Variants in CNBD1 observed in about 807,000 individuals in gnomAD.
The protein encoded by CNBD1 is cyclic nucleotide binding domain containing 1, also known as cyclic nucleotide-binding domain-containing protein 1.
In CNBD1, 71 loss-of-function variants were observed where a neutral mutation model predicts 54.4. That is an observed-to-expected ratio of 1.30 (90% CI 1.08 to 1.59). CNBD1 has a LOEUF of 1.59. Ranked by LOEUF, CNBD1 falls within the 40% of genes most tolerant of loss-of-function variation. The pLI is 0.00. For synonymous variants in CNBD1, 182 were observed against 170.7 expected (o/e 1.07, Z -0.51); for missense variants, 659 against 518.0 (o/e 1.27, Z -2.64).
chr8:87,352,389 A>G (rs1411480501), intron 9 of CNBD1, among the ~76,000 whole-genome samples: 1 of 150,986 alleles, frequency 6.6e-6, no homozygotes, highest in East Asian at 1.9e-4. Context: ...CTGAGGCAGA[A>G]GAATCGCTTG....
chr8:86,973,397 G>A (rs1808268947), intron 4 of CNBD1, among the ~76,000 whole-genome samples: 1 of 152,120 alleles, frequency 6.6e-6, no homozygotes, highest in South Asian at 2.1e-4. Context: ...TTATTTGCAT[G>A]ATCAAAAGTT....
intron 4 of CNBD1, among the ~76,000 whole-genome samples, chr8:87,201,058 G>A (rs372145424): frequency 2.6e-5 from 4 of 151,840 alleles, no homozygotes; most frequent in African/African-American, 7.3e-5. Flanking sequence ...AGGACCAAAT[G>A]GAATTTATTC....
chr8:87,281,872 G>A (rs753190094), intron 6 of CNBD1, among the ~76,000 whole-genome samples: 7 of 151,084 alleles, frequency 4.6e-5, no homozygotes, highest in Non-Finnish European at 4.4e-5. Flanking sequence ...GTGGTATTAT[G>A]ACATTAATTA....
chr8:87,217,581 T>A (rs1280872917), intron 5 of CNBD1, among the ~76,000 whole-genome samples: 1 of 151,730 alleles, frequency 6.6e-6, no homozygotes, highest in African/African-American at 2.4e-5. Flanking sequence ...AGCTTTTTTT[T>A]TTTTTTTAAA....
intron 4 of CNBD1, among the ~76,000 whole-genome samples, chr8:87,153,027 A>G (rs906657131): frequency 9.9e-5 from 15 of 152,172 alleles, no homozygotes; most frequent in Admixed American, 6.5e-5. Flanking sequence ...GAGGCTCCAT[A>G]GCCTTCGTTC....
At chr8:87,318,372 A>G (rs918115464) in intron 8 of CNBD1, among the ~76,000 whole-genome samples, 3 of 152,020 alleles carry the variant, frequency 2.0e-5, no homozygotes, top group African/African-American at 7.2e-5. Flanking sequence ...ACAATTTTAT[A>G]TGTTCTTGTC....
intron 6 of CNBD1, among the ~76,000 whole-genome samples, chr8:87,254,836 T>C (rs1414568061): frequency 6.6e-6 from 1 of 152,184 alleles, no homozygotes. Context: ...TTACTCTGTT[T>C]TGAGGCTACT....
chr8:87,043,789 G>A (rs963938659), intron 4 of CNBD1, among the ~76,000 whole-genome samples: 11 of 152,084 alleles, frequency 7.2e-5, no homozygotes, highest in African/African-American at 2.4e-4. Context: ...CTTACCTCTC[G>A]ATGTTTCTAA....
intron 4 of CNBD1, among the ~76,000 whole-genome samples, chr8:87,111,992 C>T (rs562241946): frequency 6.6e-6 from 1 of 152,144 alleles, no homozygotes; most frequent in East Asian, 1.9e-4. Context: ...AATGTTGGTA[C>T]CTCCGTCACC....
At chr8:86,885,440 C>T (rs1808667802) in intron 1 of CNBD1, among the ~76,000 whole-genome samples, 1 of 152,088 alleles carries the variant, frequency 6.6e-6, no homozygotes, top group Admixed American at 6.6e-5. Context: ...TTGATTTTAA[C>T]CGTGTTATAG....
chr8:87,299,462 A>T (rs760688465), intron 8 of CNBD1, among the ~76,000 whole-genome samples: 3 of 152,254 alleles, frequency 2.0e-5, no homozygotes, highest in Non-Finnish European at 4.4e-5. Context: ...TCCTCACAGC[A>T]TTCCATCTTC....
At chr8:86,928,439 G>A (rs1176291813) in intron 3 of CNBD1, among the ~76,000 whole-genome samples, 1 of 152,174 alleles carries the variant, frequency 6.6e-6, no homozygotes, top group Non-Finnish European at 1.5e-5. Context: ...CAGGCACAGT[G>A]AAGGTTATAT....
chr8:87,286,029 C>G (rs1313518056), intron 7 of CNBD1, among the ~76,000 whole-genome samples: 1 of 152,176 alleles, frequency 6.6e-6, no homozygotes, highest in Non-Finnish European at 1.5e-5. Flanking sequence ...GAGAAGACAT[C>G]CATCTTCTTG....
intron 4 of CNBD1, among the ~76,000 whole-genome samples, chr8:87,070,990 T>G (rs115334807): frequency 0.014 from 2,115 of 152,148 alleles, 52 homozygotes; most frequent in African/African-American, 0.045. Flanking sequence ...TTTGAATATT[T>G]ATTCTCTTCA....
intron 6 of CNBD1, among the ~76,000 whole-genome samples, chr8:87,254,882 A>G (rs921564315): frequency 9.9e-5 from 15 of 152,218 alleles, no homozygotes; most frequent in African/African-American, 2.9e-4. Context: ...TGTCATTGAA[A>G]TATTTAGCTT....
intron 4 of CNBD1, among the ~76,000 whole-genome samples, chr8:87,041,468 A>T (rs1332223712): frequency 6.6e-6 from 1 of 152,154 alleles, no homozygotes; most frequent in Non-Finnish European, 1.5e-5. Flanking sequence ...GATGAGAGAT[A>T]AAAGGTGATT....
intron 8 of CNBD1, among the ~76,000 whole-genome samples, chr8:87,288,386 A>G (rs1808733513): frequency 6.6e-6 from 1 of 152,064 alleles, no homozygotes; most frequent in African/African-American, 2.4e-5. Flanking sequence ...TTTTAATAAA[A>G]ATATAATATC....
intron 4 of CNBD1, among the ~76,000 whole-genome samples, chr8:87,061,504 A>C (rs1172213326): frequency 6.6e-6 from 1 of 152,186 alleles, no homozygotes; most frequent in Admixed American, 6.5e-5. Context: ...AATGGCTTTC[A>C]TATGCATTTA....
intron 5 of CNBD1, among the ~76,000 whole-genome samples, chr8:87,214,965 G>A (rs1814178171): frequency 6.6e-6 from 1 of 152,002 alleles, no homozygotes; most frequent in African/African-American, 2.4e-5. Flanking sequence ...TATCACCCCA[G>A]AATTCCACTC....
Sources: allele counts gnomAD v4.1 joint callset (sites outside exome capture counted in the v4.1 genomes callset), GRCh38; gene constraint gnomAD v4.1.1; transcripts MANE v1.5; gene names NCBI Gene and HGNC (gene_info 2026-07-23, HGNC 2026-07-21).